Variants in KCTD16 observed in about 807,000 individuals in gnomAD.
The protein encoded by KCTD16 is potassium channel tetramerization domain containing 16, also known as BTB/POZ domain-containing protein KCTD16.
A neutral mutation model predicts 33.2 loss-of-function variants in KCTD16; 13 were observed. The observed-to-expected ratio is 0.39, with a 90% CI of 0.25 to 0.62. KCTD16 has a LOEUF of 0.62. Ranked by LOEUF, KCTD16 falls within the 20% of genes least tolerant of loss-of-function variation. The pLI is 0.50. For missense variants in KCTD16, 441 were observed against 525.1 expected, an observed-to-expected ratio of 0.84 and a Z score of 1.57; for synonymous variants, 197 against 195.3, an observed-to-expected ratio of 1.01 and a Z score of -0.07.
At chr5:144,349,138 A>C (rs1321912001) in intron 3 of KCTD16, among the ~76,000 whole-genome samples, 2 of 152,188 alleles carry the variant, frequency 1.3e-5, no homozygotes, top group African/African-American at 4.8e-5. Flanking sequence ...ATAAAACAAA[A>C]TGTTTTATAC....
intron 3 of KCTD16, among the ~76,000 whole-genome samples, chr5:144,219,115 C>A (rs1045327299): frequency 9.2e-5 from 14 of 152,206 alleles, no homozygotes; most frequent in African/African-American, 3.4e-4. Flanking sequence ...AAGCTTCTCT[C>A]ATGGCAGCGT....
chr5:144,173,901 A>ATTTT (rs58804094), intron 1 of KCTD16, among the ~76,000 whole-genome samples: 18 of 140,846 alleles, frequency 1.3e-4, no homozygotes, highest in East Asian at 6.3e-4. Context: ...TTCTTTTTGG[A>ATTTT]TTTTTTTTTT....
intron 3 of KCTD16, among the ~76,000 whole-genome samples, chr5:144,356,164 A>G (rs967951478): frequency 6.6e-6 from 1 of 152,190 alleles, no homozygotes. Flanking sequence ...GTCTCACTCA[A>G]TGAAATATAC....
chr5:144,309,334 T>C (rs1444455278), intron 3 of KCTD16, among the ~76,000 whole-genome samples: 2 of 151,770 alleles, frequency 1.3e-5, no homozygotes, highest in East Asian at 3.9e-4. Flanking sequence ...TTTTCTTGAC[T>C]GGAGACCCAG....
intron 3 of KCTD16, among the ~76,000 whole-genome samples, chr5:144,394,611 C>T (rs572718260): frequency 6.4e-4 from 98 of 152,318 alleles, no homozygotes; most frequent in African/African-American, 2.1e-3. Context: ...TGTCGAGAGA[C>T]GGACCCAGTG....
intron 3 of KCTD16, among the ~76,000 whole-genome samples, chr5:144,250,968 G>T (rs1208213601): frequency 1.3e-5 from 2 of 151,980 alleles, no homozygotes; most frequent in Non-Finnish European, 2.9e-5. Flanking sequence ...GTTTTAAAAT[G>T]GTATTGTTAT....
chr5:144,214,195 C>T (rs912829919), intron 3 of KCTD16, among the ~76,000 whole-genome samples: 15 of 152,148 alleles, frequency 9.9e-5, no homozygotes, highest in African/African-American at 3.4e-4. Flanking sequence ...TCCAACAAGT[C>T]CTGTTGGTTC....
chr5:144,344,116 C>G (rs577348542), intron 3 of KCTD16, among the ~76,000 whole-genome samples: 3 of 152,212 alleles, frequency 2.0e-5, no homozygotes, highest in East Asian at 3.9e-4. Context: ...GGAGAGGATT[C>G]CCTATTTAAT....
At chr5:144,431,506 G>T (rs1279137350) in intron 3 of KCTD16, among the ~76,000 whole-genome samples, 1 of 152,108 alleles carries the variant, frequency 6.6e-6, no homozygotes, top group African/African-American at 2.4e-5. Flanking sequence ...TAACTCAGTT[G>T]ATTTTAACAG....
At chr5:144,426,090 G>A (rs1753322551) in intron 3 of KCTD16, among the ~76,000 whole-genome samples, 1 of 152,048 alleles carries the variant, frequency 6.6e-6, no homozygotes, top group Admixed American at 6.6e-5. Flanking sequence ...CTCACTGTAT[G>A]CAGCTAAAAC....
At chr5:144,275,215 C>T (rs1459152797) in intron 3 of KCTD16, among the ~76,000 whole-genome samples, 2 of 152,154 alleles carry the variant, frequency 1.3e-5, no homozygotes, top group Non-Finnish European at 2.9e-5. Flanking sequence ...CTTGCATTCT[C>T]ATCACTGTCA....
chr5:144,171,400 G>A (rs1342292748), intron 1 of KCTD16, among the ~76,000 whole-genome samples: 2 of 152,188 alleles, frequency 1.3e-5, no homozygotes, highest in African/African-American at 4.8e-5. Flanking sequence ...AGAGAACAAT[G>A]TGTGCAAGAT....
intron 3 of KCTD16, among the ~76,000 whole-genome samples, chr5:144,472,371 T>G (rs1754497039): frequency 6.6e-6 from 1 of 152,212 alleles, no homozygotes; most frequent in Non-Finnish European, 1.5e-5. Context: ...GGAAGTTGCT[T>G]TGTGCCATGA....
intron 3 of KCTD16, among the ~76,000 whole-genome samples, chr5:144,288,258 T>G (rs543887364): frequency 6.6e-6 from 1 of 152,300 alleles, no homozygotes; most frequent in South Asian, 2.1e-4. Context: ...AATTTCTAGT[T>G]GTAAGACCTT....
chr5:144,281,325 A>G (rs1020544970), intron 3 of KCTD16, among the ~76,000 whole-genome samples: 6 of 152,236 alleles, frequency 3.9e-5, no homozygotes, highest in African/African-American at 1.2e-4. Context: ...TAATGTAAGC[A>G]TTAAATGTAT....
intron 3 of KCTD16, among the ~76,000 whole-genome samples, chr5:144,272,613 G>T (rs1173908329): frequency 6.6e-6 from 1 of 152,058 alleles, no homozygotes; most frequent in Non-Finnish European, 1.5e-5. Flanking sequence ...CTGACATAAA[G>T]ACAAACATAT....
intron 3 of KCTD16, among the ~76,000 whole-genome samples, chr5:144,277,827 T>C (rs1580839702): frequency 6.6e-6 from 1 of 152,324 alleles, no homozygotes; most frequent in East Asian, 1.9e-4. Context: ...ATATCCTCTT[T>C]GGGGAAATAT....
chr5:144,442,371 G>C (rs1045838116), intron 3 of KCTD16, among the ~76,000 whole-genome samples: 9 of 152,068 alleles, frequency 5.9e-5, no homozygotes, highest in African/African-American at 2.2e-4. Context: ...CCACAGCCTT[G>C]TGACTAGCAG....
chr5:144,406,711 A>G (rs1384366808), intron 3 of KCTD16, among the ~76,000 whole-genome samples: 3 of 152,234 alleles, frequency 2.0e-5, no homozygotes, highest in Non-Finnish European at 4.4e-5. Flanking sequence ...AGAAGCAAGT[A>G]TGGTGTGATG....
Sources: allele counts gnomAD v4.1 joint callset (sites outside exome capture counted in the v4.1 genomes callset), GRCh38; gene constraint gnomAD v4.1.1; transcripts MANE v1.5; gene names NCBI Gene and HGNC (gene_info 2026-07-23, HGNC 2026-07-21).